Variants in GRK5 observed in about 807,000 individuals in gnomAD.
GRK5 encodes the protein g protein-coupled receptor kinase GRK5.
A neutral mutation model predicts 78.4 loss-of-function variants in GRK5; 40 were observed. The observed-to-expected ratio is 0.51, with a 90% CI of 0.40 to 0.66. The LOEUF (loss-of-function observed/expected upper bound fraction) is 0.66. GRK5 is among the 30% of genes least tolerant of loss of function. The pLI is 0.00. For missense variants in GRK5, 598 were observed against 759.9 expected (o/e 0.79, Z 2.50); for synonymous variants, 289 against 296.8 (o/e 0.97, Z 0.27).
At chr10:119,230,910 A>G (rs946008739) in intron 1 of GRK5, among the ~76,000 whole-genome samples, 1 of 147,778 alleles carries the variant, frequency 6.8e-6, no homozygotes, top group African/African-American at 2.5e-5. Context: ...ACTTGAAGAC[A>G]CCAGATCTGG....
intron 5 of GRK5, 57 bp downstream of exon 5, chr10:119,423,323 G>T (rs1008386703): frequency 3.0e-5 from 36 of 1,205,936 alleles, no homozygotes; most frequent in Admixed American, 5.1e-5. Flanking sequence ...ATGGGATGCC[G>T]CAGCTCTCCA....
chr10:119,299,570 T>C (rs1850140733), intron 1 of GRK5, among the ~76,000 whole-genome samples: 1 of 152,192 alleles, frequency 6.6e-6, no homozygotes, highest in South Asian at 2.1e-4. Context: ...TGCCTCACTT[T>C]AGTGGTTCTG....
chr10:119,448,119 T>C lies in GRK5; in HGVS notation c.1267-4T>C, dbSNP rs968427210. The stretch of plus-strand genomic sequence containing the variant: ...ACGTGGCTTCATGGGGCTCTCTGTT[T>C]CAGCTGCTCACGAAAGATGCGAAGC... On this transcript the variant is annotated splice_polypyrimidine_tract_variant and splice_region_variant and intron_variant, in intron 12 of 15. Coordinates refer to ENST00000392870, the MANE Select transcript of GRK5 (RefSeq NM_005308.3). 6.5e-6 allele frequency: 10 copies of C among 1,543,204 alleles called. No homozygotes were observed. Among genetic ancestry groups the C allele is most frequent in the Non-Finnish European group, 8.7e-6 (10 of 1,151,298 alleles).
chr10:119,259,165 C>T (rs932025464), intron 1 of GRK5, among the ~76,000 whole-genome samples: 5 of 150,838 alleles, frequency 3.3e-5, no homozygotes, highest in Admixed American at 1.3e-4. Context: ...CCCAGGTTCA[C>T]GCCATTCTCC....
chr10:119,350,673 G>A (rs1026139115), intron 2 of GRK5, among the ~76,000 whole-genome samples: 32 of 152,178 alleles, frequency 2.1e-4, no homozygotes, highest in Admixed American at 1.8e-3. Flanking sequence ...TCCCTGCCAC[G>A]TTTCACTGGT....
In GRK5 at chr10:119,217,089, CATAAT is replaced by C. The variant is rs1282308384; in HGVS notation, c.52+9124_52+9128del. On this transcript the variant is annotated intron_variant, in intron 1 of 15. Coordinates refer to ENST00000392870, the MANE Select transcript of GRK5 (RefSeq NM_005308.3). The surrounding 1 kb of genome is among the most constrained non-coding windows in gnomAD (Gnocchi z 4.1). ...AAAATAAATCTTTCTTCCTTCCTCT[CATAAT>C]ATATGCCAAAACAACAAACTCTTCT... Among the ~76,000 whole-genome samples the C allele has an allele frequency of 6.6e-6, 1 of 152,134 alleles. No homozygotes were observed. Among genetic ancestry groups the C allele is most frequent in the African/African-American group, 2.4e-5 (1 of 41,436 alleles).
At chr10:119,254,879 A>AC (rs553989176) in intron 1 of GRK5, among the ~76,000 whole-genome samples, 4 of 151,934 alleles carry the variant, frequency 2.6e-5, no homozygotes, top group African/African-American at 7.3e-5. Flanking sequence ...ATGTGGTGAA[A>AC]CCCCATCTCT....
chr10:119,395,551 T>A (rs1852034135), intron 3 of GRK5, among the ~76,000 whole-genome samples: 2 of 152,182 alleles, frequency 1.3e-5, no homozygotes, highest in South Asian at 4.1e-4. Flanking sequence ...CCTTGGGTGG[T>A]GGATTTTGAA....
intron 1 of GRK5, among the ~76,000 whole-genome samples, chr10:119,274,805 C>G (rs192757041): frequency 6.6e-6 from 1 of 152,332 alleles, no homozygotes; most frequent in Admixed American, 6.5e-5. Flanking sequence ...ATCGGGAAGT[C>G]AGCACCCAGG....
chr10:119,224,765 G>A (rs933073595), intron 1 of GRK5, among the ~76,000 whole-genome samples: 2 of 152,164 alleles, frequency 1.3e-5, no homozygotes, highest in Non-Finnish European at 2.9e-5. Context: ...CTCCTGCTGT[G>A]CATTGAGGCA....
chr10:119,274,065 C>T (rs935118668), intron 1 of GRK5, among the ~76,000 whole-genome samples: 4 of 152,190 alleles, frequency 2.6e-5, no homozygotes, highest in African/African-American at 9.7e-5. Context: ...TTTTAAACTT[C>T]AGCTCATTAG....
chr10:119,323,431 C>T (rs1301726593), intron 1 of GRK5, among the ~76,000 whole-genome samples: 1 of 152,210 alleles, frequency 6.6e-6, no homozygotes, highest in Non-Finnish European at 1.5e-5. Flanking sequence ...CCCTCCCAGG[C>T]CTTGCAGCTG....
At chr10:119,218,929 C>T (rs1848619347) in intron 1 of GRK5, among the ~76,000 whole-genome samples, 2 of 148,956 alleles carry the variant, frequency 1.3e-5, no homozygotes, top group Admixed American at 6.6e-5. Context: ...GACGGAGTCT[C>T]GCTCTGTCCC....
At chr10:119,287,323 AGGG>A (rs756493840) in intron 1 of GRK5, among the ~76,000 whole-genome samples, 59,013 of 77,184 alleles carry the variant, frequency 0.76, 22,012 homozygotes, top group East Asian at 0.87. Context: ...GGAGAGAGGG[AGGG>A]AGGAAGGGAG....
At position 119,392,363 on chromosome 10, in the gene GRK5, G is replaced by A. The variant is rs138592815; in HGVS notation, c.262-4332G>A. Among the ~76,000 whole-genome samples the A allele has an allele frequency of 6.8e-4, 103 of 152,332 alleles. 2 individuals are homozygous for A. In the East Asian group the frequency reaches 0.018, roughly 27 times the overall value. ...AGTGGTGTCTTCCCTGTTGGCACCT[G>A]GCACGTATCTGGATTATGGATTGTC... On this transcript the variant is annotated intron_variant, in intron 3 of 15. Coordinates refer to ENST00000392870, the MANE Select transcript of GRK5 (RefSeq NM_005308.3).
chr10:119,310,612 CA>C (rs1850342148), intron 1 of GRK5, among the ~76,000 whole-genome samples: 2 of 152,018 alleles, frequency 1.3e-5, no homozygotes, highest in Non-Finnish European at 2.9e-5. Flanking sequence ...TTAAGAAGAT[CA>C]ATAGTGTTGC....
At chr10:119,366,377 G>A (rs1227207566) in intron 2 of GRK5, among the ~76,000 whole-genome samples, 1 of 151,966 alleles carries the variant, frequency 6.6e-6, no homozygotes, top group African/African-American at 2.4e-5. Flanking sequence ...AGGAGAGAGA[G>A]AATTTACAGC....
At chr10:119,249,396 G>C (rs577886577) in intron 1 of GRK5, among the ~76,000 whole-genome samples, 2 of 152,170 alleles carry the variant, frequency 1.3e-5, no homozygotes, top group East Asian at 3.8e-4. Context: ...GCTTATCTAA[G>C]TTACTTAGTA....
chr10:119,404,783 A>G (rs1328701077), intron 4 of GRK5, among the ~76,000 whole-genome samples: 1 of 152,182 alleles, frequency 6.6e-6, no homozygotes, highest in Admixed American at 6.5e-5. Context: ...TGACATGACA[A>G]CATCCCAGGG....
Sources: allele counts gnomAD v4.1 joint callset (sites outside exome capture counted in the v4.1 genomes callset), GRCh38; gene constraint gnomAD v4.1.1; non-coding constraint Gnocchi (gnomAD v3.1); transcripts MANE v1.5; gene names NCBI Gene and HGNC (gene_info 2026-07-23, HGNC 2026-07-21).